The following UNC5D variants were observed in gnomAD, a reference collection of about 807,000 sequenced individuals.
The protein encoded by UNC5D is unc-5 netrin receptor D.
A neutral mutation model predicts 105.4 loss-of-function variants in UNC5D; 39 were observed. The observed-to-expected ratio is 0.37, with a 90% confidence interval of 0.29 to 0.48. The LOEUF is 0.48. Ranked by LOEUF, UNC5D falls within the 20% of genes least tolerant of loss-of-function variation. UNC5D has a pLI of 0.98. For synonymous variants in UNC5D, 452 were observed against 450.4 expected (o/e 1.00, Z -0.04); for missense variants, 991 against 1,202.4 (o/e 0.82, Z 2.60).
intron 1 of UNC5D, among the ~76,000 whole-genome samples, chr8:35,345,521 T>C (rs1811743878): frequency 6.6e-6 from 1 of 152,058 alleles, no homozygotes; most frequent in South Asian, 2.1e-4. Context: ...GATCTAATTT[T>C]CATTGTAATT....
chr8:35,671,187 C>T (rs183586867), intron 4 of UNC5D, among the ~76,000 whole-genome samples: 10 of 152,182 alleles, frequency 6.6e-5, no homozygotes, highest in East Asian at 5.8e-4. Flanking sequence ...CTTATTAATC[C>T]GTGATCTCTT....
chr8:35,596,495 T>C (rs1014017863), intron 4 of UNC5D, among the ~76,000 whole-genome samples: 8 of 152,164 alleles, frequency 5.3e-5, no homozygotes, highest in African/African-American at 1.9e-4. Flanking sequence ...TCAGTTAATT[T>C]ATAAAGTTTA....
chr8:35,309,754 G>A (rs527993443), intron 1 of UNC5D, among the ~76,000 whole-genome samples: 2 of 152,152 alleles, frequency 1.3e-5, no homozygotes, highest in East Asian at 3.9e-4. Context: ...GCCTCTCATA[G>A]GGAACTTATT....
chr8:35,516,029 T>G, intron 1 of UNC5D, among the ~76,000 whole-genome samples: 1 of 152,180 alleles, frequency 6.6e-6, no homozygotes, highest in East Asian at 1.9e-4. Flanking sequence ...TGCCAGTTCC[T>G]GTCTCATTAC....
chr8:35,496,261 A>G (rs963921915), intron 1 of UNC5D, among the ~76,000 whole-genome samples: 2 of 152,316 alleles, frequency 1.3e-5, no homozygotes, highest in Non-Finnish European at 2.9e-5. Flanking sequence ...AAGACTGGAA[A>G]GAGAGGAGCT....
chr8:35,684,807 G>GTGAAACAATCAA, intron 6 of UNC5D, 58 bp downstream of exon 6: 1 of 1,499,182 alleles, frequency 6.7e-7, no homozygotes, highest in South Asian at 1.4e-5. Flanking sequence ...TTAAGCTGGT[G>GTGAAACAATCAA]TGAAACAATC....
chr8:35,720,853 G>A (rs1245987365), intron 8 of UNC5D, among the ~76,000 whole-genome samples: 1 of 140,304 alleles, frequency 7.1e-6, no homozygotes, highest in Admixed American at 7.1e-5. Context: ...TTTTTTTTTT[G>A]ATGGTTGTGT....
rs1471811970 is a variant in UNC5D, at chr8:35,631,205, TG to T, written c.570+35552del. ...GTGTGTGCCTTGCAGTCCCAGCTAC[TG>T]GGGAGACTGAGGCAGGAGAATGGCT... On this transcript the variant is annotated intron_variant, in intron 4 of 16. Coordinates refer to ENST00000404895, the MANE Select transcript of UNC5D (RefSeq NM_080872.4). 9.2e-5 allele frequency among the ~76,000 whole-genome samples: 14 copies of T among 151,658 alleles called. 1 individual carries two copies. Among genetic ancestry groups the T allele is most frequent in the African/African-American group, 3.4e-4 (14 of 41,262 alleles).
At chr8:35,419,308 C>T (rs1353437647) in intron 1 of UNC5D, among the ~76,000 whole-genome samples, 2 of 152,190 alleles carry the variant, frequency 1.3e-5, no homozygotes, top group East Asian at 3.9e-4. Flanking sequence ...CTTCACTCAG[C>T]TCCAGGCTCA....
At chr8:35,298,560 G>T (rs1271364777) in intron 1 of UNC5D, among the ~76,000 whole-genome samples, 1 of 143,200 alleles carries the variant, frequency 7.0e-6, no homozygotes, top group Non-Finnish European at 1.5e-5. Flanking sequence ...GATTACTTAG[G>T]CTTTTAATAT....
chr8:35,360,053 T>G (rs1801777461), intron 1 of UNC5D, among the ~76,000 whole-genome samples: 1 of 152,180 alleles, frequency 6.6e-6, no homozygotes, highest in Non-Finnish European at 1.5e-5. Context: ...TTTTCTGAAT[T>G]ACTTGAAATT....
At chr8:35,605,634 C>T (rs1820239188) in intron 4 of UNC5D, among the ~76,000 whole-genome samples, 1 of 152,206 alleles carries the variant, frequency 6.6e-6, no homozygotes, top group Admixed American at 6.5e-5. Flanking sequence ...TGTGCCCTGC[C>T]CCCAGAGGTG....
At chr8:35,423,523 T>A (rs1423879963) in intron 1 of UNC5D, among the ~76,000 whole-genome samples, 1 of 152,242 alleles carries the variant, frequency 6.6e-6, no homozygotes, top group African/African-American at 2.4e-5. Flanking sequence ...TCAGTTGATT[T>A]GTAGACACTT....
intron 1 of UNC5D, 59 bp downstream of exon 1, chr8:35,235,946 G>C (rs1802427116): frequency 1.7e-6 from 2 of 1,207,520 alleles, no homozygotes; most frequent in Non-Finnish European, 2.1e-6. Context: ...CAGCCTGACG[G>C]AGCGGGACCT....
intron 1 of UNC5D, among the ~76,000 whole-genome samples, chr8:35,537,984 T>A (rs936636080): frequency 3.9e-5 from 6 of 152,304 alleles, no homozygotes; most frequent in Admixed American, 3.3e-4. Context: ...TCATGGAACC[T>A]ATAGTCTAGA....
intron 15 of UNC5D, among the ~76,000 whole-genome samples, chr8:35,770,030 G>A (rs2035575993): frequency 6.6e-6 from 1 of 152,076 alleles, no homozygotes; most frequent in Non-Finnish European, 1.5e-5. Context: ...CAGCAAAAGT[G>A]AAGACGCAAA....
At chr8:35,236,388 T>A (rs1243256074) in intron 1 of UNC5D, among the ~76,000 whole-genome samples, 1 of 71,394 alleles carries the variant, frequency 1.4e-5, no homozygotes, top group Non-Finnish European at 3.0e-5. Flanking sequence ...CCCTTCGCTC[T>A]GCGCCTAGCT....
intron 1 of UNC5D, among the ~76,000 whole-genome samples, chr8:35,481,578 A>G (rs540452492): frequency 6.6e-6 from 1 of 152,300 alleles, no homozygotes; most frequent in South Asian, 2.1e-4. Flanking sequence ...AATTCTCTAA[A>G]TGCTTCCCTC....
intron 1 of UNC5D, among the ~76,000 whole-genome samples, chr8:35,468,775 T>C (rs1363684771): frequency 6.6e-6 from 1 of 152,162 alleles, no homozygotes; most frequent in Non-Finnish European, 1.5e-5. Context: ...TAGCAATACA[T>C]GGTGTCATTG....
Sources: allele counts gnomAD v4.1 joint callset (sites outside exome capture counted in the v4.1 genomes callset), GRCh38; gene constraint gnomAD v4.1.1; transcripts MANE v1.5; gene names NCBI Gene and HGNC (gene_info 2026-07-23, HGNC 2026-07-21).